The following KARS1 variants were observed in gnomAD, a reference collection of about 807,000 sequenced individuals.
The protein encoded by KARS1 is lysine--tRNA ligase.
KARS1 carries 50 observed loss-of-function variants against 63.9 expected under a neutral mutation model. That is an observed-to-expected ratio of 0.78 (90% confidence interval 0.62 to 0.99). KARS1 has a LOEUF of 0.99. Among genes scored for constraint, KARS1 ranks in the 50% least tolerant of loss-of-function variants. KARS1 has a pLI of 0.00. For missense variants in KARS1, 816 were observed against 754.5 expected (o/e 1.08, Z -0.95); for synonymous variants, 320 against 264.6 (o/e 1.21, Z -2.03).
At chr16:75,639,417 C>A (rs912928387) in intron 3 of KARS1, among the ~76,000 whole-genome samples, 3 of 151,618 alleles carry the variant, frequency 2.0e-5, no homozygotes, top group Admixed American at 2.0e-4. Flanking sequence ...ACTAAAAATA[C>A]AAAACTTAGC....
At chr16:75,633,385 C>A (rs1330063422) in intron 7 of KARS1, among the ~76,000 whole-genome samples, 1 of 152,126 alleles carries the variant, frequency 6.6e-6, no homozygotes, top group Non-Finnish European at 1.5e-5. Flanking sequence ...ACCTATAGAG[C>A]TGAATAAATT....
chr16:75,644,466 GC>G (rs1352248811), intron 1 of KARS1: 1 of 1,583,638 alleles, frequency 6.3e-7, no homozygotes, highest in East Asian at 2.3e-5. Flanking sequence ...CCACCACCTA[GC>G]GGGAAACACA....
intron 1 of KARS1, chr16:75,644,443 G>C: frequency 3.1e-6 from 5 of 1,602,904 alleles, no homozygotes; most frequent in Non-Finnish European, 4.3e-6. Flanking sequence ...GAGCACCCTG[G>C]AACTAATGAT....
intron 1 of KARS1, among the ~76,000 whole-genome samples, chr16:75,643,872 C>A (rs1005506349): frequency 1.3e-5 from 2 of 152,210 alleles, no homozygotes; most frequent in African/African-American, 4.8e-5. Flanking sequence ...TAAGATAAAT[C>A]TGTTTTCCAC....
chr16:75,628,831 C>A (rs2082079675), intron 12 of KARS1, 119 bp from the exon 13 acceptor site: 1 of 1,064,806 alleles, frequency 9.4e-7, no homozygotes, highest in East Asian at 2.4e-5. Context: ...TCCTGACACT[C>A]AGGACTTGCT....
intron 3 of KARS1, among the ~76,000 whole-genome samples, chr16:75,637,314 A>G (rs900070656): frequency 2.0e-5 from 3 of 151,964 alleles, no homozygotes; most frequent in African/African-American, 7.3e-5. Context: ...GGGAAAAAGC[A>G]GTGGGGAGAA....
Position 75,645,222 on chromosome 16 carries a change from C to G in KARS1, c.62+2356G>C, listed in dbSNP as rs975784765. Among the ~76,000 whole-genome samples, 14 of 152,144 alleles carry G rather than the reference C, an allele frequency of 9.2e-5. 1 individual carries two copies. The highest frequency in any genetic ancestry group is 3.4e-4 in the African/African-American group (14 of 41,432). ...GTTAATCAGAAAAAAATTATTTTAG[C>G]TCATGGTAACGAGAGGAATAGACAT... On this transcript the variant is annotated intron_variant, in intron 1 of 13. Coordinates refer to ENST00000302445, the MANE Select transcript of KARS1 (RefSeq NM_005548.3).
intron 1 of KARS1, among the ~76,000 whole-genome samples, chr16:75,645,469 C>T (rs77547020): frequency 0.16 from 23,861 of 152,200 alleles, 3,538 homozygotes; most frequent in East Asian, 0.7. Context: ...ATTACTGACA[C>T]TAGACAGAAA....
chr16:75,641,473 T>C, intron 2 of KARS1, 91 bp downstream of exon 2: 1 of 1,103,784 alleles, frequency 9.1e-7, no homozygotes. Context: ...GGCGTACTGG[T>C]CCCTCCTACT....
chr16:75,639,951 A>C, intron 3 of KARS1: 1 of 553,514 alleles, frequency 1.8e-6, no homozygotes. Flanking sequence ...GATGAAGGGA[A>C]TCCTTATAGA....
intron 1 of KARS1, chr16:75,647,339 A>C: frequency 1.6e-6 from 1 of 607,698 alleles, no homozygotes; most frequent in East Asian, 2.8e-5. Context: ...ACAGTCTCTT[A>C]ACTCTAGGAG....
Position 75,628,565 on chromosome 16 carries a change from G to C in KARS1, c.1695+4C>G, listed in dbSNP as rs747781002. The C allele has an allele frequency of 6.2e-7, 1 of 1,613,428 alleles. No homozygotes were observed. The highest frequency in any genetic ancestry group is 2.2e-5 in the East Asian group (1 of 44,894). On this transcript the variant is annotated splice_donor_region_variant and intron_variant, in intron 13 of 13. Transcript: ENST00000302445. ...AGTGTGCTCTGTGGAGGGTTGCTAC[G>C]TACCTTGATGTTGTTGGAGTCCGTG...
chr16:75,633,949 A>G, intron 7 of KARS1: 1 of 549,568 alleles, frequency 1.8e-6, no homozygotes, highest in South Asian at 1.7e-5. Context: ...GAGTGCCTGT[A>G]TACATGGGAA....
At chr16:75,645,371 T>C (rs372991237) in intron 1 of KARS1, among the ~76,000 whole-genome samples, 6 of 152,168 alleles carry the variant, frequency 3.9e-5, no homozygotes, top group African/African-American at 1.4e-4. Flanking sequence ...GACTATATTT[T>C]AGGAATGCAC....
chr16:75,636,573 G>A (rs778007774), intron 3 of KARS1, 26 bp from the exon 4 acceptor site: 3 of 1,374,912 alleles, frequency 2.2e-6, no homozygotes, highest in South Asian at 2.3e-5. Flanking sequence ...CAAAAATACT[G>A]ACTGACAGAA....
intron 1 of KARS1, among the ~76,000 whole-genome samples, chr16:75,643,634 C>A (rs2082248846): frequency 6.6e-6 from 1 of 152,190 alleles, no homozygotes; most frequent in Admixed American, 6.5e-5. Flanking sequence ...CTGTCTTGGC[C>A]TCCCAAAGTG....
chr16:75,641,701 C>G lies in KARS1; in HGVS notation c.85G>C (p.Ala29Pro), dbSNP rs369238198. The change falls in exon 2 of 14, where the codon GCT (alanine) becomes CCT (proline). Residue 29 changes from alanine (A) to proline (P), a missense_variant. Ala to Pro is a conservative substitution (Grantham distance 27, BLOSUM62 -1). Transcript: ENST00000302445. ...SKNELKRRLK[A>P]EKKVAEKEAK... ...TCCTTCTCTGCTACTTTCTTCTCAGCTTTCAGGCGTCTCTTCAGCTCACTG... is the reference window on the plus strand; with the variant it reads ...TCCTTCTCTGCTACTTTCTTCTCAGGTTTCAGGCGTCTCTTCAGCTCACTG... The G allele has an allele frequency of 7.1e-5, 114 of 1,613,856 alleles. No individual in the cohort carries two copies. The highest frequency in any genetic ancestry group is 8.9e-5 in the Non-Finnish European group (105 of 1,180,038).
At chr16:75,644,144 G>C in intron 1 of KARS1, 4 of 661,128 alleles carry the variant, frequency 6.1e-6, no homozygotes, top group Non-Finnish European at 1.0e-5. Flanking sequence ...AATGAGAAAG[G>C]ACTATTGGTT....
rs1170011540 is a variant in KARS1, at chr16:75,631,552, G to C, written c.1116C>G (p.Thr372=). The change falls in exon 9 of 14, where the codon ACC becomes ACG. Residue 372 remains threonine (T), a synonymous_variant. Coordinates refer to ENST00000302445, the MANE Select transcript of KARS1 (RefSeq NM_005548.3). ...GGCCCTCTGGGCCATCTGGGTGGTA[G>C]GTGACCTTGTAACTGCCTGTAATAT... ...VKHITGSYKV[T]YHPDGPEGQA... is the part of the protein sequence containing the mutation. 9 of 1,614,034 alleles carry C rather than the reference G, an allele frequency of 5.6e-6. No homozygotes were observed. The highest frequency in any genetic ancestry group is 5.3e-5 in the African/African-American group (4 of 74,926).
Sources: gnomAD v4.1 joint callset for allele counts (sites outside exome capture counted in the v4.1 genomes callset) on GRCh38, gnomAD v4.1.1 for gene constraint, MANE v1.5 for transcripts, NCBI Gene and HGNC (gene_info 2026-07-23, HGNC 2026-07-21) for gene names.